The following LRPPRC variants were observed in gnomAD, a reference collection of about 807,000 sequenced individuals.
LRPPRC encodes the protein leucine rich pentatricopeptide repeat containing.
Under a neutral mutation model 180.3 loss-of-function variants are expected in LRPPRC, and 120 were observed. That is an observed-to-expected ratio of 0.67 (90% CI 0.57 to 0.77). The LOEUF (loss-of-function observed/expected upper bound fraction) is 0.77. Ranked by LOEUF, LRPPRC falls within the 30% of genes least tolerant of loss-of-function variation. The pLI is 0.00. For synonymous variants in LRPPRC, 723 were observed against 600.0 expected, an observed-to-expected ratio of 1.21 and a Z score of -3.00; for missense variants, 2,012 against 1,657.2, an observed-to-expected ratio of 1.21 and a Z score of -3.72.
At chr2:43,996,149 G>A (rs889393218), upstream of LRPPRC, 9 of 542,668 alleles carry the variant, frequency 1.7e-5, no homozygotes, top group African/African-American at 4.0e-5. Context: ...CATAAACGAT[G>A]TTGCTTGATT....
rs545244938 is a variant in LRPPRC, at chr2:43,979,539, C to T, written c.469+287G>A. On this transcript the variant is annotated intron_variant, in intron 3 of 37. Transcript: ENST00000260665. ...CTAAATTCGAACAAATGGAACTGCT[C>T]GGTCAAATGGTATGTGCATTTATAA... Among the ~76,000 whole-genome samples, 4 of 152,236 alleles carry T rather than the reference C, an allele frequency of 2.6e-5. No homozygotes were observed. In the East Asian group the frequency reaches 7.7e-4, roughly 29 times the overall value.
rs142492838 is a variant in LRPPRC, at chr2:43,915,198, A to ACTCTCTCTCTCTCTCTCTCT, written c.3149-2660_3149-2641dup. ...ACTCCGGCCTGGGCAACAGAACAAG[A>ACTCTCTCTCTCTCTCTCTCT]CTCTCTCTCTCTCTCTCTCTCTCTC... On this transcript the variant is annotated intron_variant, in intron 29 of 37. Transcript: ENST00000260665. Among the ~76,000 whole-genome samples the ACTCTCTCTCTCTCTCTCTCT allele has an allele frequency of 8.4e-4, 53 of 63,442 alleles. 2 individuals are homozygous for ACTCTCTCTCTCTCTCTCTCT. The highest frequency in any genetic ancestry group is 1.6e-3 in the Non-Finnish European group (42 of 26,424). The allele number at this position is 63,442 out of a possible 152,430, so 41.6% of individuals were successfully genotyped here.
At chr2:43,979,755 A>G in intron 3 of LRPPRC, 71 bp downstream of exon 3, 1 of 1,382,784 alleles carries the variant, frequency 7.2e-7, no homozygotes, top group Non-Finnish European at 1.0e-6. Context: ...ATTTATGTAA[A>G]CAAACACTTT....
At chr2:43,935,054 G>C (rs895070193) in intron 23 of LRPPRC, among the ~76,000 whole-genome samples, 176 bp from the exon 24 acceptor site, 4 of 152,112 alleles carry the variant, frequency 2.6e-5, no homozygotes, top group African/African-American at 9.7e-5. Flanking sequence ...TTATATATAA[G>C]TAAATGTTCA....
At chr2:43,958,825 G>A (rs1206819885) in intron 13 of LRPPRC, among the ~76,000 whole-genome samples, 2 of 152,142 alleles carry the variant, frequency 1.3e-5, no homozygotes, top group East Asian at 1.9e-4. Flanking sequence ...ATCATAGAAC[G>A]AACCGCTCTT....
intron 11 of LRPPRC, among the ~76,000 whole-genome samples, chr2:43,970,207 C>T (rs1410903731): frequency 6.6e-6 from 1 of 152,182 alleles, no homozygotes; most frequent in Non-Finnish European, 1.5e-5. Context: ...TTTCCAGTAA[C>T]ATTTATCAGA....
intron 1 of LRPPRC, 46 bp downstream of exon 1, chr2:43,995,753 G>A (rs1459386966): frequency 1.5e-6 from 2 of 1,345,990 alleles, no homozygotes; most frequent in South Asian, 1.9e-5. Context: ...GACCCCGGGG[G>A]ACCCTGGCGC....
At chr2:43,940,332 T>C (rs1030119142) in intron 23 of LRPPRC, among the ~76,000 whole-genome samples, 4 of 152,192 alleles carry the variant, frequency 2.6e-5, no homozygotes, top group African/African-American at 4.8e-5. Flanking sequence ...AAGGGGAGCA[T>C]GTGTAACAGA....
At position 43,946,342 on chromosome 2, in the gene LRPPRC, T is replaced by C. The variant is rs1413205920; in HGVS notation, c.2080-99A>G. ...TTCAGAGTTTAGAAAAAGTTAATAG[T>C]ACTTTAAAAATAAATGGTTTCATGT... On this transcript the variant is annotated intron_variant, in intron 20 of 37. Transcript: ENST00000260665. 2.5e-5 allele frequency: 22 copies of C among 873,754 alleles called. 1 individual carries two copies. Among genetic ancestry groups the C allele is most frequent in the African/African-American group, 1.7e-5 (1 of 59,378 alleles). 54.1% of individuals were successfully genotyped at this position (873,754 alleles called of 1,614,324 possible). A position where few individuals can be genotyped will look rare whatever the true frequency, so the allele number is the denominator to read the frequency against.
intron 31 of LRPPRC, 67 bp downstream of exon 31, chr2:43,905,625 G>A (rs957016310): frequency 2.6e-5 from 29 of 1,127,216 alleles, no homozygotes; most frequent in Admixed American, 1.2e-4. Flanking sequence ...CCAAGTATTC[G>A]AAGGGCGTTA....
chr2:43,918,963 G>A (rs79524053), intron 27 of LRPPRC, among the ~76,000 whole-genome samples: 3,958 of 151,784 alleles, frequency 0.026, 175 homozygotes, highest in African/African-American at 0.09. Context: ...CAGTGCATAC[G>A]GTATACATAT....
rs10589598 is a variant in LRPPRC, at chr2:43,945,948, CAATT to C, written c.2210+161_2210+164del. 0.29 allele frequency among the ~76,000 whole-genome samples: 43,735 copies of C among 151,582 alleles called. 7,758 individuals carry two copies. Among genetic ancestry groups the C allele is most frequent in the East Asian group, 0.95 (4,876 of 5,150 alleles). On this transcript the variant is annotated intron_variant, in intron 21 of 37. Coordinates refer to ENST00000260665, the MANE Select transcript of LRPPRC (RefSeq NM_133259.4). The stretch of plus-strand genomic sequence containing the variant: ...AAGACACCTTGCTGAACATAAGCCA[CAATT>C]AATTAAAGAGCCGTATAATACGAAA...
At chr2:43,992,067 G>C (rs1295260723) in intron 1 of LRPPRC, among the ~76,000 whole-genome samples, 1 of 152,178 alleles carries the variant, frequency 6.6e-6, no homozygotes, top group Non-Finnish European at 1.5e-5. Flanking sequence ...GCCAGCTCCA[G>C]AGTGTTGGTG....
chr2:43,889,283 C>A (rs1339002101), intron 37 of LRPPRC, among the ~76,000 whole-genome samples: 1 of 126,686 alleles, frequency 7.9e-6, no homozygotes, highest in Non-Finnish European at 1.6e-5. Flanking sequence ...CCATTGCACT[C>A]CAGCCTGGGC....
intron 25 of LRPPRC, among the ~76,000 whole-genome samples, chr2:43,932,648 T>C (rs1221958000): frequency 1.3e-5 from 2 of 152,070 alleles, no homozygotes; most frequent in African/African-American, 4.8e-5. Flanking sequence ...GACAACACAA[T>C]CCCTACCTTT....
chr2:43,901,035 T>A (rs1670863825), intron 32 of LRPPRC, among the ~76,000 whole-genome samples: 1 of 152,182 alleles, frequency 6.6e-6, no homozygotes. Flanking sequence ...CTGAACAAAG[T>A]GTTTCGACAA....
chr2:43,957,820 A>G (rs1405980544), intron 13 of LRPPRC, among the ~76,000 whole-genome samples: 2 of 152,066 alleles, frequency 1.3e-5, no homozygotes, highest in Non-Finnish European at 2.9e-5. Context: ...ACCCTACAAG[A>G]CTTTTGTTCT....
At chr2:43,968,970 A>G (rs1673678870) in intron 11 of LRPPRC, among the ~76,000 whole-genome samples, 1 of 152,232 alleles carries the variant, frequency 6.6e-6, no homozygotes, top group Admixed American at 6.5e-5. Context: ...TCAGGACACA[A>G]TGTACCTGTA....
intron 12 of LRPPRC, among the ~76,000 whole-genome samples, chr2:43,961,410 T>A (rs933415996): frequency 6.6e-6 from 1 of 152,168 alleles, no homozygotes; most frequent in Non-Finnish European, 1.5e-5. Flanking sequence ...TCTGTCAAGT[T>A]AGGTGGATAA....
Sources: gnomAD v4.1 joint callset for allele counts (sites outside exome capture counted in the v4.1 genomes callset) on GRCh38, gnomAD v4.1.1 for gene constraint, MANE v1.5 for transcripts, NCBI Gene and HGNC (gene_info 2026-07-23, HGNC 2026-07-21) for gene names.